LHX6: variants seen among roughly 807,000 people sequenced by gnomAD.
LHX6 encodes the protein LIM/homeobox protein Lhx6.
Under a neutral mutation model 47.1 loss-of-function variants are expected in LHX6, and 15 were observed. The ratio of observed to expected loss-of-function variants is 0.32; its 90% confidence interval spans 0.21 to 0.49. The LOEUF is 0.49. Among genes scored for constraint, LHX6 ranks in the 20% least tolerant of loss-of-function variants. The pLI is 0.99. For missense variants in LHX6, 404 were observed against 539.6 expected, an observed-to-expected ratio of 0.75 and a Z score of 2.49; for synonymous variants, 242 against 233.5, an observed-to-expected ratio of 1.04 and a Z score of -0.33.
chr9:122,221,249 T>A (rs2118891857), intron 4 of LHX6: 1 of 985,306 alleles, frequency 1.0e-6, no homozygotes, highest in East Asian at 1.1e-4. Flanking sequence ...GAACCAGCAA[T>A]TAAGAGGTTA....
chr9:122,211,483 G>A (rs968283781), intron 8 of LHX6, among the ~76,000 whole-genome samples: 1 of 152,170 alleles, frequency 6.6e-6, no homozygotes, highest in African/African-American at 2.4e-5. Flanking sequence ...AAACTCTACA[G>A]AAAAACTCAT....
chr9:122,226,304 C>G lies in LHX6; in HGVS notation c.461+72G>C. 6.5e-7 allele frequency: 1 copy of G among 1,542,836 alleles called. No homozygotes were observed. The highest frequency in any genetic ancestry group is 8.7e-7 in the Non-Finnish European group (1 of 1,144,054). On this transcript the variant is annotated intron_variant, in intron 4 of 9. Coordinates refer to ENST00000394319, the MANE Select transcript of LHX6 (RefSeq NM_014368.5). The surrounding 1 kb of genome is among the most constrained non-coding windows in gnomAD (Gnocchi z 6.5). ...GGGTTCTGGAGGAGAGACCACACGCCGCAAAAGTGGCCTCCGAATGCGCCC... is the reference window on the plus strand; with the variant it reads ...GGGTTCTGGAGGAGAGACCACACGCGGCAAAAGTGGCCTCCGAATGCGCCC...
intron 5 of LHX6, among the ~76,000 whole-genome samples, chr9:122,216,399 G>A (rs1251804710): frequency 2.0e-5 from 3 of 152,168 alleles, no homozygotes; most frequent in Non-Finnish European, 2.9e-5. Flanking sequence ...CAATGTCAGA[G>A]CCAGAAGAGA....
chr9:122,217,282 G>T lies in LHX6; in HGVS notation c.468C>A (p.Phe156Leu). The T allele has an allele frequency of 6.2e-7, 1 of 1,610,290 alleles. No individual in the cohort carries two copies. ...GGCCGCACCGGGCACACTTGGTCCCGAATCGGCTGCAGGTCGAGAGGACAG... is the reference window on the plus strand; with the variant it reads ...GGCCGCACCGGGCACACTTGGTCCCTAATCGGCTGCAGGTCGAGAGGACAG... ...IFCKMDYFSR[F>L]GTKCARCGRQ... Residue 156 changes from phenylalanine to leucine, a missense_variant, in exon 5 of 10, where the codon TTC becomes TTA. This residue lies in a region of LHX6 where 53 missense variants were observed against 97.4 expected (regional missense o/e 0.54). Transcript: ENST00000394319. The surrounding 1 kb of genome is among the most constrained non-coding windows in gnomAD (Gnocchi z 4.9).
chr9:122,227,151 GC>G (rs1564447987), intron 2 of LHX6, 121 bp from the exon 3 acceptor site: 2 of 971,086 alleles, frequency 2.1e-6, no homozygotes, highest in Non-Finnish European at 1.5e-6. Context: ...AGGACAATGC[GC>G]CGTAGACTGA....
Position 122,214,180 on chromosome 9 carries a change from C to T in LHX6, c.783+103G>A. 3 of 1,388,864 alleles carry T rather than the reference C, an allele frequency of 2.2e-6. No individual in the cohort carries two copies. The highest frequency in any genetic ancestry group is 2.9e-6 in the Non-Finnish European group (3 of 1,042,972). The allele number at this position is 1,388,864 out of a possible 1,614,324, so 86.0% of individuals were successfully genotyped here. A position where few individuals can be genotyped will look rare whatever the true frequency, so the allele number is the denominator to read the frequency against. On this transcript the variant is annotated intron_variant, in intron 6 of 9. Transcript: ENST00000394319. The surrounding 1 kb of genome is among the most constrained non-coding windows in gnomAD (Gnocchi z 4.6). ...GCCCCAGGCAGCTGCGGCCCCGCCC[C>T]GCCACCCGGGTCCGGCCCGAGGGGC...
intron 4 of LHX6, among the ~76,000 whole-genome samples, chr9:122,224,174 C>T (rs764803122): frequency 4.5e-4 from 69 of 152,206 alleles, no homozygotes; most frequent in African/African-American, 1.5e-3. Context: ...ACTACAGGCA[C>T]GTGCCACCAC....
rs536279042 is a variant in LHX6 at position 122,223,034 on chromosome 9, C to T, written c.461+3342G>A. On this transcript the variant is annotated intron_variant, in intron 4 of 9. Transcript: ENST00000394319. ...GAGGAAAATTCTGCCTCCCACGCCA[C>T]CATTCACACTCTCTCCAGGAAGAAC... Among the ~76,000 whole-genome samples the T allele has an allele frequency of 1.3e-4, 20 of 152,370 alleles. No homozygotes were observed. The East Asian group carries it at 1.9e-3, about 15-fold the overall frequency.
Position 122,217,368 on chromosome 9 carries a change from C to T in LHX6, c.462-80G>A. On this transcript the variant is annotated intron_variant, in intron 4 of 9. Transcript: ENST00000394319. This position sits in a 1 kb window ranked among gnomAD's most constrained non-coding sequence, Gnocchi z 4.9. Reference sequence around the variant, plus strand: ...CTCCTTCCACCACCCAATGGCCCGCCAGCCCCCAGGCTCCTGGCCTCTAAG... The same window carrying T: ...CTCCTTCCACCACCCAATGGCCCGCTAGCCCCCAGGCTCCTGGCCTCTAAG... 1 of 1,199,588 alleles carries T rather than the reference C, an allele frequency of 8.3e-7. No individual in the cohort carries two copies. The highest frequency in any genetic ancestry group is 1.2e-6 in the Non-Finnish European group (1 of 856,268). 74.3% of individuals were successfully genotyped at this position (1,199,588 alleles called of 1,614,324 possible). A position where few individuals can be genotyped will look rare whatever the true frequency, so the allele number is the denominator to read the frequency against.
At chr9:122,208,078 G>A (rs1442898668) in intron 9 of LHX6, among the ~76,000 whole-genome samples, 1 of 152,102 alleles carries the variant, frequency 6.6e-6, no homozygotes, top group East Asian at 1.9e-4. Flanking sequence ...TCTGAAGACT[G>A]CTACAGTGAT....
intron 1 of LHX6, chr9:122,227,949 T>TCCTGGGGCCCCCCCCC: frequency 5.7e-6 from 1 of 176,980 alleles, no homozygotes; most frequent in Non-Finnish European, 1.2e-5. Context: ...TTTTTCTCTC[T>TCCTGGGGCCCCCCCCC]CCACCCGCCC....
intron 4 of LHX6, among the ~76,000 whole-genome samples, chr9:122,224,118 C>G (rs541304371): frequency 3.0e-4 from 45 of 152,258 alleles, no homozygotes; most frequent in African/African-American, 1.1e-3. Flanking sequence ...ATGTCCGCCT[C>G]CCAGGTTCAA....
In LHX6 at chr9:122,214,524, C is replaced by T; in HGVS notation, c.683-141G>A. 8.1e-7 allele frequency: 1 copy of T among 1,230,400 alleles called. No individual in the cohort carries two copies. The highest frequency in any genetic ancestry group is 3.0e-5 in the East Asian group (1 of 33,366). 76.2% of individuals were successfully genotyped at this position (1,230,400 alleles called of 1,614,324 possible). A position where few individuals can be genotyped will look rare whatever the true frequency, so the allele number is the denominator to read the frequency against. On this transcript the variant is annotated intron_variant, in intron 5 of 9. Coordinates refer to ENST00000394319, the MANE Select transcript of LHX6 (RefSeq NM_014368.5). This position sits in a 1 kb window ranked among gnomAD's most constrained non-coding sequence, Gnocchi z 4.6. ...GAGCAGGGATCCCAGGGTCCTAGTC[C>T]CTGAGCTCAGTCTTTGGGGAAGGGG...
At chr9:122,223,575 C>A (rs1358878635) in intron 4 of LHX6, among the ~76,000 whole-genome samples, 1 of 152,174 alleles carries the variant, frequency 6.6e-6, no homozygotes, top group Non-Finnish European at 1.5e-5. Context: ...TTGGAAAGGG[C>A]GAACTAAGGG....
rs144394473 is a variant in LHX6 at position 122,226,691 on chromosome 9, G to A, written c.339+157C>T. On this transcript the variant is annotated intron_variant, in intron 3 of 9. Coordinates refer to ENST00000394319, the MANE Select transcript of LHX6 (RefSeq NM_014368.5). The surrounding 1 kb of genome is among the most constrained non-coding windows in gnomAD (Gnocchi z 6.5). Reference sequence around the variant, plus strand: ...TTCTTATTTTTCAGACGGAACCCGGGGGCTCAGGCAGACCCTAAGTCTTGC... The same window carrying A: ...TTCTTATTTTTCAGACGGAACCCGGAGGCTCAGGCAGACCCTAAGTCTTGC... 7 of 1,209,364 alleles carry A rather than the reference G, an allele frequency of 5.8e-6. No homozygotes were observed. In the East Asian group the frequency reaches 1.6e-4, roughly 27 times the overall value. The allele number at this position is 1,209,364 out of a possible 1,614,324, so 74.9% of individuals were successfully genotyped here. A position where few individuals can be genotyped will look rare whatever the true frequency, so the allele number is the denominator to read the frequency against.
rs1457119534 is a variant in LHX6, at chr9:122,228,888, C to G, written c.-148G>C. ...CCGCCCCGGGCCCGGCCTCAGCCCC[C>G]GCCCCCGGCCCGCGCGCAGCCCCGG... is the stretch of plus-strand genomic sequence containing the variant. On this transcript the variant is annotated 5_prime_UTR_variant, in exon 1 of 10. Coordinates refer to ENST00000394319, the MANE Select transcript of LHX6 (RefSeq NM_014368.5). 1 of 362,046 alleles carries G rather than the reference C, an allele frequency of 2.8e-6. No homozygotes were observed. The highest frequency in any genetic ancestry group is 4.3e-6 in the Non-Finnish European group (1 of 232,636). The allele number at this position is 362,046 out of a possible 1,614,324, so 22.4% of individuals were successfully genotyped here. A position where few individuals can be genotyped will look rare whatever the true frequency, so the allele number is the denominator to read the frequency against.
chr9:122,221,109 C>A, intron 4 of LHX6: 1 of 985,446 alleles, frequency 1.0e-6, no homozygotes, highest in Non-Finnish European at 1.2e-6. Context: ...AGGTTCAAGA[C>A]CTTCTTGAAG....
At chr9:122,220,984 A>G (rs1588355321) in intron 4 of LHX6, 1 of 622,150 alleles carries the variant, frequency 1.6e-6, no homozygotes, top group Non-Finnish European at 2.0e-6. Flanking sequence ...TTCTCCCACT[A>G]TTAAGCTACC....
At chr9:122,221,338 CA>C in intron 4 of LHX6, 3 of 985,756 alleles carry the variant, frequency 3.0e-6, no homozygotes, top group South Asian at 9.4e-5. Context: ...ATCTGTCCCC[CA>C]ACAGCTGGCC....
Sources: gnomAD v4.1 joint callset for allele counts (sites outside exome capture counted in the v4.1 genomes callset) on GRCh38, gnomAD v4.1.1 for gene constraint, gnomAD v4.1.1 regional missense constraint, Gnocchi (gnomAD v3.1) non-coding constraint, MANE v1.5 for transcripts, NCBI Gene and HGNC (gene_info 2026-07-23, HGNC 2026-07-21) for gene names.